Variants in ITPR1 observed in about 807,000 individuals in gnomAD.
The protein encoded by ITPR1 is inositol 1,4,5-trisphosphate receptor type 1, also known as inositol 1,4,5-trisphosphate-gated calcium channel ITPR1.
In ITPR1, 96 loss-of-function variants were observed where a neutral mutation model predicts 318.4. The observed-to-expected ratio is 0.30, with a 90% CI of 0.26 to 0.36. The LOEUF is 0.36. ITPR1 is among the 10% of genes least tolerant of loss of function. The pLI, the probability that ITPR1 is intolerant of heterozygous loss-of-function variation, is 1.00. For synonymous variants in ITPR1, 1,312 were observed against 1,289.9 expected, an observed-to-expected ratio of 1.02 and a Z score of -0.37; for missense variants, 2,440 against 3,460.2, an observed-to-expected ratio of 0.71 and a Z score of 7.40.
At chr3:4,711,626 A>G (rs556278715) in intron 38 of ITPR1, 131 bp from the exon 39 acceptor site, 5 of 636,126 alleles carry the variant, frequency 7.9e-6, no homozygotes, top group South Asian at 1.9e-5. Flanking sequence ...AATGCCCTGA[A>G]GTATCTTTAA....
At chr3:4,520,743 G>A (rs973488490) in intron 3 of ITPR1, among the ~76,000 whole-genome samples, 4 of 152,168 alleles carry the variant, frequency 2.6e-5, no homozygotes, top group Admixed American at 2.6e-4. Context: ...CGCGACTTCA[G>A]CCACCTTGCA....
intron 24 of ITPR1, 131 bp downstream of exon 24, chr3:4,676,932 C>T (rs976680520): frequency 5.2e-5 from 34 of 652,604 alleles, no homozygotes; most frequent in Middle Eastern, 4.2e-4. Context: ...CTCATCCCTC[C>T]GTGTCATTTA....
At chr3:4,695,533 C>A (rs76850135) in intron 33 of ITPR1, among the ~76,000 whole-genome samples, 2,045 of 152,274 alleles carry the variant, frequency 0.013, 52 homozygotes, top group African/African-American at 0.044. Flanking sequence ...AACCTCCCCC[C>A]ATTCCCCTTT....
intron 42 of ITPR1, among the ~76,000 whole-genome samples, chr3:4,728,430 C>T (rs758009089): frequency 2.0e-5 from 3 of 152,224 alleles, no homozygotes; most frequent in Non-Finnish European, 2.9e-5. Context: ...CTATGGTCGT[C>T]GGTGTCTAGG....
In ITPR1 at chr3:4,710,614, C is replaced by T; in HGVS notation, c.4991+141C>T. On this transcript the variant is annotated intron_variant, in intron 38 of 61. Transcript: ENST00000649015. The surrounding 1 kb of genome is among the most constrained non-coding windows in gnomAD (Gnocchi z 4.2). The stretch of plus-strand genomic sequence containing the variant: ...TCATGTGCTAAAGTCCTGTTCTGAC[C>T]TCCCCAAAGTAAGTTTGTCTATTAA... The T allele has an allele frequency of 1.4e-6, 1 of 737,614 alleles. No homozygotes were observed. Among genetic ancestry groups the T allele is most frequent in the Non-Finnish European group, 2.1e-6 (1 of 478,832 alleles). The allele number at this position is 737,614 out of a possible 1,614,324, so 45.7% of individuals were successfully genotyped here.
At chr3:4,639,254 G>A in intron 5 of ITPR1, 130 bp from the exon 6 acceptor site, 1 of 693,106 alleles carries the variant, frequency 1.4e-6, no homozygotes, top group Non-Finnish European at 2.5e-6. Flanking sequence ...TGAAGCCTCA[G>A]GGTGTGTCCT....
At chr3:4,600,799 G>A (rs1165766227) in intron 4 of ITPR1, among the ~76,000 whole-genome samples, 7 of 152,114 alleles carry the variant, frequency 4.6e-5, no homozygotes, top group Non-Finnish European at 1.5e-5. Context: ...CCCCCAACAA[G>A]GGCGACTCCC....
intron 49 of ITPR1, among the ~76,000 whole-genome samples, chr3:4,781,031 C>T (rs1249549614): frequency 6.6e-6 from 1 of 152,238 alleles, no homozygotes; most frequent in Admixed American, 6.5e-5. Context: ...CACGTGTGTA[C>T]ATGCATGTGT....
At chr3:4,656,750 C>T (rs1006142557) in intron 12 of ITPR1, among the ~76,000 whole-genome samples, 12 of 152,160 alleles carry the variant, frequency 7.9e-5, no homozygotes, top group African/African-American at 2.7e-4. Context: ...AAGTCTCCTT[C>T]CTCTCTGTCT....
intron 4 of ITPR1, among the ~76,000 whole-genome samples, chr3:4,541,176 A>G (rs1192060999): frequency 2.0e-5 from 3 of 152,190 alleles, no homozygotes; most frequent in Non-Finnish European, 4.4e-5. Context: ...TTATATTGTC[A>G]TTAAAAAAAT....
intron 4 of ITPR1, among the ~76,000 whole-genome samples, chr3:4,610,123 G>T (rs2091983137): frequency 6.6e-6 from 1 of 152,102 alleles, no homozygotes; most frequent in Non-Finnish European, 1.5e-5. Context: ...CTCATTCTTT[G>T]CTTGTCATCA....
rs73807116 is a variant in ITPR1, at chr3:4,674,851, G to A, written c.2599-217G>A. On this transcript the variant is annotated intron_variant, in intron 22 of 61. Coordinates refer to ENST00000649015, the MANE Select transcript of ITPR1 (RefSeq NM_001378452.1). ...AATGATGAGGTCTTTTTTTTTTTTT[G>A]ATTAGTCATCAGAGCAGATCAGTAG... 0.038 allele frequency among the ~76,000 whole-genome samples: 4,639 copies of A among 121,078 alleles called. 206 individuals are homozygous for A. Among genetic ancestry groups the A allele is most frequent in the African/African-American group, 0.12 (3,811 of 31,862 alleles). 79.4% of individuals were successfully genotyped at this position (121,078 alleles called of 152,430 possible). A position where few individuals can be genotyped will look rare whatever the true frequency, so the allele number is the denominator to read the frequency against.
intron 5 of ITPR1, among the ~76,000 whole-genome samples, chr3:4,632,156 A>C (rs2093034389): frequency 6.6e-6 from 1 of 152,130 alleles, no homozygotes. Flanking sequence ...GGAACATGGG[A>C]ATCTAGTTGA....
At chr3:4,690,621 G>T (rs2125244700) in intron 31 of ITPR1, among the ~76,000 whole-genome samples, 1 of 152,290 alleles carries the variant, frequency 6.6e-6, no homozygotes, top group South Asian at 2.1e-4. Context: ...TTCACCAGAA[G>T]ACATGTGTAA....
intron 44 of ITPR1, among the ~76,000 whole-genome samples, chr3:4,762,404 C>G (rs2045519078): frequency 6.6e-6 from 1 of 152,178 alleles, no homozygotes; most frequent in Non-Finnish European, 1.5e-5. Flanking sequence ...ATTCGAGTTT[C>G]AGAGACATTG....
chr3:4,629,060 ACACCTAAGCTCACTCCCATT>A (rs1040394989), intron 5 of ITPR1, among the ~76,000 whole-genome samples: 1 of 150,644 alleles, frequency 6.6e-6, no homozygotes, highest in Admixed American at 6.6e-5. Context: ...CAGCATGAGG[ACACCTAAGCTCACTCCCATT>A]GAACCTAAAG....
At chr3:4,687,427 A>AG (rs2094413274) in intron 30 of ITPR1, among the ~76,000 whole-genome samples, 1 of 152,022 alleles carries the variant, frequency 6.6e-6, no homozygotes, top group Non-Finnish European at 1.5e-5. Flanking sequence ...CGACACTGAG[A>AG]GGCTAAGAAA....
intron 48 of ITPR1, among the ~76,000 whole-genome samples, chr3:4,778,596 C>A (rs1181530940): frequency 6.6e-6 from 1 of 152,138 alleles, no homozygotes; most frequent in Non-Finnish European, 1.5e-5. Flanking sequence ...TTCCTTTTGA[C>A]AAATTGTGTT....
chr3:4,734,610 C>T (rs976720331), intron 43 of ITPR1, among the ~76,000 whole-genome samples: 2 of 152,260 alleles, frequency 1.3e-5, no homozygotes, highest in African/African-American at 4.8e-5. Context: ...CATAGGTCCT[C>T]TCTTCTTAAG....
Sources: gnomAD v4.1 joint callset for allele counts (sites outside exome capture counted in the v4.1 genomes callset) on GRCh38, gnomAD v4.1.1 for gene constraint, Gnocchi (gnomAD v3.1) non-coding constraint, MANE v1.5 for transcripts, NCBI Gene and HGNC (gene_info 2026-07-23, HGNC 2026-07-21) for gene names.